TBPL1: variants seen among roughly 807,000 people sequenced by gnomAD.
TBPL1 encodes the protein TATA-box binding protein like 1, also known as TATA box-binding protein-like 1.
A neutral mutation model predicts 22.1 loss-of-function variants in TBPL1; 4 were observed. The observed-to-expected ratio is 0.18, with a 90% CI of 0.09 to 0.41. The LOEUF (loss-of-function observed/expected upper bound fraction) is 0.41. Ranked by LOEUF, TBPL1 falls within the 10% of genes least tolerant of loss-of-function variation. TBPL1 has a pLI of 1.00. For missense variants in TBPL1, 115 were observed against 222.3 expected (o/e 0.52, Z 3.07); for synonymous variants, 64 against 71.0 (o/e 0.90, Z 0.50).
chr6:133,954,473 A>T (rs1775893510), intron 1 of TBPL1, among the ~76,000 whole-genome samples: 1 of 152,246 alleles, frequency 6.6e-6, no homozygotes, highest in South Asian at 2.1e-4. Flanking sequence ...TATCTGGTTG[A>T]AAGGATTATT....
intron 1 of TBPL1, among the ~76,000 whole-genome samples, chr6:133,974,131 CAT>C (rs1294737569): frequency 6.6e-6 from 1 of 151,776 alleles, no homozygotes; most frequent in Non-Finnish European, 1.5e-5. Flanking sequence ...CATAATTAGA[CAT>C]ATAATTTTTT....
intron 1 of TBPL1, among the ~76,000 whole-genome samples, chr6:133,956,852 T>TGTC (rs1775935695): frequency 6.6e-6 from 1 of 152,252 alleles, no homozygotes; most frequent in Admixed American, 6.5e-5. Flanking sequence ...TATTTGCTCT[T>TGTC]GTCACATGAC....
chr6:133,968,223 G>A (rs958155968), intron 1 of TBPL1, among the ~76,000 whole-genome samples: 3 of 151,898 alleles, frequency 2.0e-5, no homozygotes, highest in Admixed American at 6.5e-5. Context: ...TCTTGACCTC[G>A]TGATCCACCT....
chr6:133,960,555 C>T (rs1296750401), intron 1 of TBPL1, among the ~76,000 whole-genome samples: 2 of 151,980 alleles, frequency 1.3e-5, no homozygotes, highest in Non-Finnish European at 2.9e-5. Flanking sequence ...ATTTAGAATG[C>T]ATGCCTCTTG....
chr6:133,968,657 A>G (rs1029720691), intron 1 of TBPL1, among the ~76,000 whole-genome samples: 1 of 151,966 alleles, frequency 6.6e-6, no homozygotes, highest in African/African-American at 2.4e-5. Context: ...CTACTGTCTT[A>G]GCATCCAAGT....
chr6:133,964,159 A>G (rs1776077300), intron 1 of TBPL1, among the ~76,000 whole-genome samples: 1 of 152,132 alleles, frequency 6.6e-6, no homozygotes, highest in Admixed American at 6.5e-5. Flanking sequence ...CTGTTGTGGT[A>G]GTGTTCTTGA....
chr6:133,956,276 C>T (rs905192189), intron 1 of TBPL1, among the ~76,000 whole-genome samples: 3 of 152,112 alleles, frequency 2.0e-5, no homozygotes, highest in Admixed American at 6.5e-5. Context: ...TTGTGACATT[C>T]GAACTAATAA....
At position 133,955,636 on chromosome 6, in the gene TBPL1, A is replaced by G. The variant is rs147108236; in HGVS notation, c.-45+2211A>G. Among the ~76,000 whole-genome samples the G allele has an allele frequency of 2.0e-4, 30 of 152,306 alleles. No homozygotes were observed. In the East Asian group the frequency reaches 5.2e-3, roughly 26 times the overall value. ...CTGAAACTCAAGAGCTTCTATTAAA[A>G]TAAGGTATATTAAAATTTTTGAACT... On this transcript the variant is annotated intron_variant, in intron 1 of 6. Coordinates refer to ENST00000237264, the MANE Select transcript of TBPL1 (RefSeq NM_004865.4).
At chr6:133,970,546 A>G (rs1225009131) in intron 1 of TBPL1, among the ~76,000 whole-genome samples, 1 of 152,070 alleles carries the variant, frequency 6.6e-6, no homozygotes. Flanking sequence ...TTAGGCAGAA[A>G]TGTGGAGAGA....
At position 133,989,115 on chromosome 6, in the gene TBPL1, A is replaced by T. The variant is rs1475158920; in HGVS notation, c.*2075A>T. The T allele has an allele frequency of 6.6e-6, 1 of 152,192 alleles. No individual in the cohort carries two copies. The highest frequency in any genetic ancestry group is 6.5e-5 in the Admixed American group (1 of 15,270). The allele number at this position is 152,192 out of a possible 1,614,324, so 9.4% of individuals were successfully genotyped here. ...CCTCACCTAACAGTGTCCATGGGTA[A>T]TTCGCTAACCTTAACAAAGATGGGA... is the stretch of plus-strand genomic sequence containing the variant. On this transcript the variant is annotated 3_prime_UTR_variant, in exon 7 of 7. Transcript: ENST00000237264.
chr6:133,985,298 AT>A (rs1484695864), intron 6 of TBPL1, among the ~76,000 whole-genome samples: 4,219 of 30,950 alleles, frequency 0.14, 1,142 homozygotes, highest in African/African-American at 0.23. Flanking sequence ...AAAAAAAAAA[AT>A]ATATATATAT....
At chr6:133,958,036 C>CTT in intron 1 of TBPL1, among the ~76,000 whole-genome samples, 1 of 152,232 alleles carries the variant, frequency 6.6e-6, no homozygotes, top group East Asian at 1.9e-4. Flanking sequence ...GGGGGAAGTA[C>CTT]TTTTTTTAAG....
chr6:133,957,448 T>C (rs1251313347), intron 1 of TBPL1, among the ~76,000 whole-genome samples: 1 of 152,244 alleles, frequency 6.6e-6, no homozygotes, highest in Non-Finnish European at 1.5e-5. Flanking sequence ...TTTTGTTTTT[T>C]AACTCACTAG....
At position 133,958,684 on chromosome 6, in the gene TBPL1, C is replaced by A. The variant is rs147937549; in HGVS notation, c.-45+5259C>A. Among the ~76,000 whole-genome samples, 1,017 of 152,280 alleles carry A rather than the reference C, an allele frequency of 6.7e-3. 9 individuals carry two copies. Among genetic ancestry groups the A allele is most frequent in the African/African-American group, 0.023 (958 of 41,556 alleles). On this transcript the variant is annotated intron_variant, in intron 1 of 6. Coordinates refer to ENST00000237264, the MANE Select transcript of TBPL1 (RefSeq NM_004865.4). ...GTTTCTGCCTAAACAAAGTGAATTG[C>A]AGACTGTTCTTTCCTATTCTGGCTA...
Position 133,988,284 on chromosome 6 carries a change from C to G in TBPL1, c.*1244C>G, listed in dbSNP as rs1403461255. The G allele has an allele frequency of 1.3e-5, 2 of 152,200 alleles. No homozygotes were observed. The highest frequency in any genetic ancestry group is 2.9e-5 in the Non-Finnish European group (2 of 68,020). 9.4% of individuals were successfully genotyped at this position (152,200 alleles called of 1,614,324 possible). A position where few individuals can be genotyped will look rare whatever the true frequency, so the allele number is the denominator to read the frequency against. ...TATGAAACAGTGTCTCTGGCTCACCCAGGAGCCCTGATGTGGTAATACAGG... is the reference window on the plus strand; with the variant it reads ...TATGAAACAGTGTCTCTGGCTCACCGAGGAGCCCTGATGTGGTAATACAGG... On this transcript the variant is annotated 3_prime_UTR_variant, in exon 7 of 7. Transcript: ENST00000237264.
At chr6:133,980,054 A>G (rs1776381608) in intron 1 of TBPL1, 28 bp from the exon 2 acceptor site, 2 of 1,367,524 alleles carry the variant, frequency 1.5e-6, no homozygotes, top group Middle Eastern at 2.0e-4. Flanking sequence ...ATTTAAGTTT[A>G]ATGACTTTAT....
intron 2 of TBPL1, among the ~76,000 whole-genome samples, chr6:133,980,846 G>A (rs1282130281): frequency 2.0e-5 from 3 of 151,622 alleles, no homozygotes; most frequent in South Asian, 2.1e-4. Flanking sequence ...AAAGATTGAC[G>A]AGAGGAATAT....
At chr6:133,965,882 C>T (rs1220269107) in intron 1 of TBPL1, among the ~76,000 whole-genome samples, 2 of 152,192 alleles carry the variant, frequency 1.3e-5, no homozygotes, top group African/African-American at 4.8e-5. Context: ...TGTGCAAGTA[C>T]TGTGCCAAGC....
At chr6:133,955,261 G>A (rs1432620592) in intron 1 of TBPL1, among the ~76,000 whole-genome samples, 2 of 148,980 alleles carry the variant, frequency 1.3e-5, no homozygotes, top group Non-Finnish European at 3.0e-5. Context: ...TCTCTTCATT[G>A]TTTGAGTGAG....
Sources: gnomAD v4.1 joint callset for allele counts (sites outside exome capture counted in the v4.1 genomes callset) on GRCh38, gnomAD v4.1.1 for gene constraint, MANE v1.5 for transcripts, NCBI Gene and HGNC (gene_info 2026-07-23, HGNC 2026-07-21) for gene names.